The following SPSB1 variants were observed in gnomAD, a reference collection of about 807,000 sequenced individuals.
SPSB1 encodes SPRY domain-containing SOCS box protein 1.
A neutral mutation model predicts 21.2 loss-of-function variants in SPSB1; 8 were observed. The observed-to-expected ratio is 0.38, with a 90% CI of 0.22 to 0.68. SPSB1 has a LOEUF of 0.68. Among genes scored for constraint, SPSB1 ranks in the 30% least tolerant of loss-of-function variants. The pLI is 0.53. For missense variants in SPSB1, 242 were observed against 377.8 expected (o/e 0.64, Z 2.98); for synonymous variants, 169 against 161.7 (o/e 1.05, Z -0.34).
chr1:9,351,541 G>A (rs1201069869), intron 1 of SPSB1: 1 of 150,264 alleles, frequency 6.7e-6, no homozygotes, highest in Non-Finnish European at 1.5e-5. Context: ...CTACTGTCTC[G>A]GCGCATGAGC....
chr1:9,307,591 G>A (rs9434758), intron 1 of SPSB1, among the ~76,000 whole-genome samples: 77,676 of 152,078 alleles, frequency 0.51, 21,773 homozygotes, highest in Non-Finnish European at 0.64. Flanking sequence ...TGGCTCAGTT[G>A]TAGAGGCCAC....
At chr1:9,320,991 C>T (rs183412739) in intron 1 of SPSB1, among the ~76,000 whole-genome samples, 2,348 of 152,218 alleles carry the variant, frequency 0.015, 30 homozygotes, top group Non-Finnish European at 0.023. Flanking sequence ...TCCCTGGCTG[C>T]CACTCTCCAG....
intron 1 of SPSB1, among the ~76,000 whole-genome samples, chr1:9,335,432 G>A (rs1184062007): frequency 3.3e-5 from 5 of 151,922 alleles, no homozygotes; most frequent in Non-Finnish European, 7.4e-5. Flanking sequence ...AACCCAGGAG[G>A]TGAAGGTTGC....
rs1639775781 is a variant in SPSB1, at chr1:9,324,272, T to C, written c.-150+31201T>C. On this transcript the variant is annotated intron_variant, in intron 1 of 2. Transcript: ENST00000328089. This position sits in a 1 kb window ranked among gnomAD's most constrained non-coding sequence, Gnocchi z 4.3. The stretch of plus-strand genomic sequence containing the variant: ...ACTACCACGTGGAGCCGGCACATAG[T>C]GGGACTCACAGCTCTTCATGGCATC... 6.6e-6 allele frequency among the ~76,000 whole-genome samples: 1 copy of C among 152,156 alleles called. No individual in the cohort carries two copies. The highest frequency in any genetic ancestry group is 2.4e-5 in the African/African-American group (1 of 41,434).
intron 1 of SPSB1, among the ~76,000 whole-genome samples, chr1:9,352,920 G>A (rs1171663020): frequency 2.8e-5 from 4 of 143,870 alleles, no homozygotes; most frequent in Middle Eastern, 3.5e-3. Context: ...ACGAGATCCC[G>A]GGAGAAAGGT....
chr1:9,317,353 A>G lies in SPSB1; in HGVS notation c.-150+24282A>G, dbSNP rs565823155. ...ACTGGGAGCTTTGATGATACCCGGT[A>G]TATAGTAAGTGCTTGATAAAAGTCA... On this transcript the variant is annotated intron_variant, in intron 1 of 2. Coordinates refer to ENST00000328089, the MANE Select transcript of SPSB1 (RefSeq NM_025106.4). This position sits in a 1 kb window ranked among gnomAD's most constrained non-coding sequence, Gnocchi z 4.3. 6.6e-6 allele frequency among the ~76,000 whole-genome samples: 1 copy of G among 152,322 alleles called. No individual in the cohort carries two copies. The highest frequency in any genetic ancestry group is 2.1e-4 in the South Asian group (1 of 4,822).
At chr1:9,294,105 T>TGA (rs1386233168) in intron 1 of SPSB1, among the ~76,000 whole-genome samples, 4 of 150,522 alleles carry the variant, frequency 2.7e-5, no homozygotes, top group African/African-American at 9.8e-5. Context: ...TGTGTCTTTG[T>TGA]GTGTGTCTGT....
At chr1:9,312,636 G>C (rs1639542245) in intron 1 of SPSB1, among the ~76,000 whole-genome samples, 2 of 152,152 alleles carry the variant, frequency 1.3e-5, no homozygotes, top group South Asian at 4.1e-4. Flanking sequence ...TGCCAGCACG[G>C]AGTTTTGTTG....
At chr1:9,340,334 TCTGA>T (rs1217246537) in intron 1 of SPSB1, among the ~76,000 whole-genome samples, 1 of 152,086 alleles carries the variant, frequency 6.6e-6, no homozygotes, top group Non-Finnish European at 1.5e-5. Context: ...AGCCCCGCGG[TCTGA>T]CTTTCACACG....
intron 1 of SPSB1, among the ~76,000 whole-genome samples, chr1:9,308,962 C>A (rs1639467261): frequency 6.6e-6 from 1 of 152,098 alleles, no homozygotes; most frequent in Non-Finnish European, 1.5e-5. Context: ...AACATGAGCT[C>A]CCTGCCAGGG....
intron 1 of SPSB1, among the ~76,000 whole-genome samples, chr1:9,337,497 G>T (rs944623806): frequency 6.6e-6 from 1 of 152,070 alleles, no homozygotes; most frequent in Non-Finnish European, 1.5e-5. Context: ...CTCTTTGGGG[G>T]GATGGGAGAA....
chr1:9,339,531 G>C (rs1323606447), intron 1 of SPSB1, among the ~76,000 whole-genome samples: 1 of 152,216 alleles, frequency 6.6e-6, no homozygotes, highest in Non-Finnish European at 1.5e-5. Context: ...ATTCCTGTCA[G>C]ATGGGGTTGT....
In SPSB1 at chr1:9,338,550, A is replaced by G. The variant is rs549551697; in HGVS notation, c.-149-17193A>G. Among the ~76,000 whole-genome samples the G allele has an allele frequency of 2.4e-3, 359 of 152,344 alleles. 1 individual carries two copies. The highest frequency in any genetic ancestry group is 8.2e-3 in the African/African-American group (341 of 41,590). Reference sequence around the variant, plus strand: ...CCAGCTCCGGCCTCGCCCAGGAGGAAGTATACTTTCTTCTTTGCTGGTGAG... The same window carrying G: ...CCAGCTCCGGCCTCGCCCAGGAGGAGGTATACTTTCTTCTTTGCTGGTGAG... On this transcript the variant is annotated intron_variant, in intron 1 of 2. Coordinates refer to ENST00000328089, the MANE Select transcript of SPSB1 (RefSeq NM_025106.4).
rs563940002 is a variant in SPSB1 at position 9,305,406 on chromosome 1, C to T, written c.-150+12335C>T. Among the ~76,000 whole-genome samples the T allele has an allele frequency of 1.3e-5, 2 of 152,350 alleles. No homozygotes were observed. Among genetic ancestry groups the T allele is most frequent in the East Asian group, 3.9e-4 (2 of 5,186 alleles). ...CTGCTGTTGTGGGCAGCCCAGTGAC[C>T]TGTGGGCTCCAGGAGGGCAGGACCC... On this transcript the variant is annotated intron_variant, in intron 1 of 2. Transcript: ENST00000328089. The surrounding 1 kb of genome is among the most constrained non-coding windows in gnomAD (Gnocchi z 4.8).
intron 1 of SPSB1, among the ~76,000 whole-genome samples, chr1:9,335,292 A>C (rs1639986571): frequency 6.6e-6 from 1 of 152,058 alleles, no homozygotes; most frequent in African/African-American, 2.4e-5. Context: ...ACCTGAGGTC[A>C]GGAGTTTGAG....
chr1:9,354,347 G>A (rs992591897), intron 1 of SPSB1, among the ~76,000 whole-genome samples: 1 of 152,144 alleles, frequency 6.6e-6, no homozygotes, highest in East Asian at 1.9e-4. Context: ...CGCCCCCACA[G>A]GCTCCTTTAG....
chr1:9,367,897 G>A lies in SPSB1; in HGVS notation c.*322G>A, dbSNP rs1269114227. 1.0e-5 allele frequency: 3 copies of A among 287,252 alleles called. No homozygotes were observed. Among genetic ancestry groups the A allele is most frequent in the Non-Finnish European group, 2.0e-5 (3 of 150,650 alleles). 17.8% of individuals were successfully genotyped at this position (287,252 alleles called of 1,614,324 possible). ...GCTCCAATCTGCTCGGGGTGGGACG[G>A]GTGCTTCCCACACCTCTGGGAGAAG... On this transcript the variant is annotated 3_prime_UTR_variant, in exon 3 of 3. Transcript: ENST00000328089. The surrounding 1 kb of genome is among the most constrained non-coding windows in gnomAD (Gnocchi z 5.9).
At chr1:9,294,696 T>TA (rs753238760) in intron 1 of SPSB1, 2 of 152,244 alleles carry the variant, frequency 1.3e-5, no homozygotes, top group Non-Finnish European at 2.9e-5. Context: ...CCCTGGTGAC[T>TA]AAGGTTTGAT....
At chr1:9,322,410 G>A (rs9660159) in intron 1 of SPSB1, among the ~76,000 whole-genome samples, 21,882 of 152,148 alleles carry the variant, frequency 0.14, 2,011 homozygotes, top group Middle Eastern at 0.2. Context: ...ATTTTTGCAC[G>A]TTTTCAGCAG....
Sources: allele counts gnomAD v4.1 joint callset (sites outside exome capture counted in the v4.1 genomes callset), GRCh38; gene constraint gnomAD v4.1.1; non-coding constraint Gnocchi (gnomAD v3.1); transcripts MANE v1.5; gene names NCBI Gene and HGNC (gene_info 2026-07-23, HGNC 2026-07-21).